GPHN: variants seen among roughly 807,000 people sequenced by gnomAD.
GPHN encodes the protein gephyrin.
GPHN carries 17 observed loss-of-function variants against 95.5 expected under a neutral mutation model. That is an observed-to-expected ratio of 0.18 (90% CI 0.12 to 0.27). The LOEUF is 0.27. Ranked by LOEUF, GPHN falls within the 10% of genes least tolerant of loss-of-function variation. The pLI is 1.00. For missense variants in GPHN, 660 were observed against 978.1 expected (o/e 0.67, Z 4.34); for synonymous variants, 320 against 322.5 (o/e 0.99, Z 0.08).
At chr14:66,589,674 C>A (rs1307944664) in intron 1 of GPHN, among the ~76,000 whole-genome samples, 1 of 152,164 alleles carries the variant, frequency 6.6e-6, no homozygotes, top group African/African-American at 2.4e-5. Flanking sequence ...CACCCAGATT[C>A]ATAAAGCAAG....
intron 13 of GPHN, among the ~76,000 whole-genome samples, chr14:67,104,661 C>T (rs1288059150): frequency 6.6e-6 from 1 of 152,092 alleles, no homozygotes; most frequent in Non-Finnish European, 1.5e-5. Flanking sequence ...TCATAGTAGT[C>T]TCTAATGACC....
the GPHN span, among the ~76,000 whole-genome samples, chr14:67,466,336 T>C: frequency 6.6e-6 from 1 of 152,154 alleles, no homozygotes; most frequent in Non-Finnish European, 1.5e-5. Flanking sequence ...AATGAAACAA[T>C]GGGTGGATCA....
intron 1 of GPHN, among the ~76,000 whole-genome samples, chr14:66,533,696 A>G (rs2059027683): frequency 6.6e-6 from 1 of 152,228 alleles, no homozygotes; most frequent in Admixed American, 6.5e-5. Flanking sequence ...GCTAAAGTAG[A>G]TGAACTTAAA....
intron 1 of GPHN, among the ~76,000 whole-genome samples, chr14:66,679,687 A>G (rs924082534): frequency 6.6e-6 from 1 of 152,152 alleles, no homozygotes; most frequent in Non-Finnish European, 1.5e-5. Flanking sequence ...CAAATTCACT[A>G]ATCTGTGCTT....
chr14:66,658,836 G>A (rs762852320), intron 1 of GPHN, among the ~76,000 whole-genome samples: 3 of 151,108 alleles, frequency 2.0e-5, no homozygotes, highest in Non-Finnish European at 4.4e-5. Flanking sequence ...AGGTGTGCTT[G>A]TAATTTGTTT....
chr14:67,353,882 G>C, the GPHN span: 1 of 151,656 alleles, frequency 6.6e-6, no homozygotes, highest in African/African-American at 2.4e-5. Context: ...TCTAACTCCT[G>C]GTCTCATGAA....
At chr14:67,490,544 G>A in the GPHN span, among the ~76,000 whole-genome samples, 2 of 152,178 alleles carry the variant, frequency 1.3e-5, no homozygotes, top group African/African-American at 4.8e-5. Context: ...CAGTTTTCAT[G>A]CACATAGGAT....
the GPHN span, among the ~76,000 whole-genome samples, chr14:67,498,595 C>T: frequency 2.6e-5 from 4 of 152,174 alleles, no homozygotes; most frequent in African/African-American, 9.7e-5. Flanking sequence ...CCAAGAAAGA[C>T]GAAGGAATGA....
chr14:66,826,257 C>T (rs993277641), intron 4 of GPHN, among the ~76,000 whole-genome samples: 2 of 152,128 alleles, frequency 1.3e-5, no homozygotes, highest in Non-Finnish European at 2.9e-5. Flanking sequence ...GCTGAAAATT[C>T]AAACCTTTGA....
At chr14:67,482,806 C>T in the GPHN span, among the ~76,000 whole-genome samples, 14 of 152,146 alleles carry the variant, frequency 9.2e-5, no homozygotes, top group African/African-American at 3.1e-4. Context: ...GACTTCCACC[C>T]TCTTGCTGTG....
the GPHN span, chr14:67,734,019 G>A: frequency 1.7e-6 from 1 of 578,832 alleles, no homozygotes; most frequent in Non-Finnish European, 3.2e-6. Context: ...ACACTCTTGT[G>A]AGACTGGCTT....
chr14:67,296,849 C>T, the GPHN span, among the ~76,000 whole-genome samples: 3 of 152,136 alleles, frequency 2.0e-5, no homozygotes, highest in African/African-American at 4.8e-5. Context: ...GTCCTCCCAC[C>T]TCAGCCTCCT....
the GPHN span, chr14:67,336,573 A>G: frequency 2.7e-6 from 1 of 369,512 alleles, no homozygotes; most frequent in South Asian, 2.1e-5. Flanking sequence ...TCCCTACTTC[A>G]AACTAATTTT....
intron 1 of GPHN, among the ~76,000 whole-genome samples, chr14:66,642,451 G>A (rs926616786): frequency 1.3e-5 from 2 of 152,140 alleles, no homozygotes; most frequent in African/African-American, 4.8e-5. Flanking sequence ...CAAGGAAATA[G>A]GGACATCAAT....
chr14:66,612,823 T>C (rs2062840372), intron 1 of GPHN, among the ~76,000 whole-genome samples: 1 of 152,128 alleles, frequency 6.6e-6, no homozygotes, highest in South Asian at 2.1e-4. Context: ...TGTGTAAGTC[T>C]TCTTTTGCTC....
intron 10 of GPHN, among the ~76,000 whole-genome samples, chr14:67,055,642 T>C (rs972800175): frequency 1.3e-5 from 2 of 152,194 alleles, no homozygotes; most frequent in African/African-American, 4.8e-5. Flanking sequence ...AGCAAAGACG[T>C]GGAATCAACC....
At chr14:67,378,087 C>T in the GPHN span, among the ~76,000 whole-genome samples, 1 of 151,390 alleles carries the variant, frequency 6.6e-6, no homozygotes. Context: ...TGCACCACTG[C>T]ACTCTAGTCT....
chr14:67,699,923 T>C, the GPHN span, among the ~76,000 whole-genome samples: 26 of 151,340 alleles, frequency 1.7e-4, no homozygotes, highest in Non-Finnish European at 3.7e-4. Flanking sequence ...GGGCGGATCA[T>C]GAGGTCAAGA....
intron 4 of GPHN, among the ~76,000 whole-genome samples, chr14:66,832,714 G>A (rs1434420675): frequency 6.6e-6 from 1 of 151,944 alleles, no homozygotes; most frequent in Non-Finnish European, 1.5e-5. Flanking sequence ...TAAAGCTAAA[G>A]TACATATACT....
Sources: allele counts gnomAD v4.1 joint callset (sites outside exome capture counted in the v4.1 genomes callset), GRCh38; gene constraint gnomAD v4.1.1; transcripts MANE v1.5; gene names NCBI Gene and HGNC (gene_info 2026-07-23, HGNC 2026-07-21).